The following TNFRSF11B variants were observed in gnomAD, a reference collection of about 807,000 sequenced individuals.
The protein encoded by TNFRSF11B is tumor necrosis factor receptor superfamily member 11B.
Under a neutral mutation model 43.4 loss-of-function variants are expected in TNFRSF11B, and 16 were observed. That is an observed-to-expected ratio of 0.37 (90% CI 0.25 to 0.56). TNFRSF11B has a LOEUF of 0.56. TNFRSF11B is among the 20% of genes least tolerant of loss of function. The pLI is 0.80. For missense variants in TNFRSF11B, 444 were observed against 490.1 expected, an observed-to-expected ratio of 0.91 and a Z score of 0.89; for synonymous variants, 185 against 181.8, an observed-to-expected ratio of 1.02 and a Z score of -0.14.
At position 118,933,183 on chromosome 8, in the gene TNFRSF11B, G is replaced by T. The variant is rs778414770; in HGVS notation, c.148C>A (p.Leu50Ile). The change falls in exon 2 of 5, where the codon CTA (leucine) becomes ATA (isoleucine). Residue 50 changes from leucine (L) to isoleucine (I), a missense_variant. Transcript: ENST00000297350. ...LCDKCPPGTY[L>I]KQHCTAKWKT... ...CACTTTGCTGTACAGTGTTGTTTTAGGTAGGTACCAGGAGGACATTTGTCA... is the reference window on the plus strand; with the variant it reads ...CACTTTGCTGTACAGTGTTGTTTTATGTAGGTACCAGGAGGACATTTGTCA... 2.3e-5 allele frequency: 37 copies of T among 1,614,164 alleles called. 1 individual carries two copies. In the Admixed American group the frequency reaches 3.3e-4, roughly 15 times the overall value.
At chr8:118,947,831 T>G (rs1164356590) in intron 1 of TNFRSF11B, among the ~76,000 whole-genome samples, 1 of 152,208 alleles carries the variant, frequency 6.6e-6, no homozygotes, top group East Asian at 1.9e-4. Context: ...GAGTCACCAA[T>G]ATTACACGTG....
chr8:118,928,937 A>C lies in TNFRSF11B; in HGVS notation c.401-8T>G. 6.2e-7 allele frequency: 1 copy of C among 1,613,940 alleles called. No homozygotes were observed. ...TATTTCGCTCTGGGGTTCCTACAGAAAATACCAAGCAATTTAGTACCTTCT... is the reference window on the plus strand; with the variant it reads ...TATTTCGCTCTGGGGTTCCTACAGACAATACCAAGCAATTTAGTACCTTCT... On this transcript the variant is annotated splice_region_variant and splice_polypyrimidine_tract_variant and intron_variant, in intron 2 of 4. Transcript: ENST00000297350.
intron 1 of TNFRSF11B, among the ~76,000 whole-genome samples, chr8:118,941,740 CAAG>C (rs141426409): frequency 0.03 from 4,492 of 152,112 alleles, 119 homozygotes; most frequent in East Asian, 0.16. Context: ...AAAACAAAAA[CAAG>C]AAAATCTCTG....
intron 2 of TNFRSF11B, among the ~76,000 whole-genome samples, chr8:118,932,248 G>GC: frequency 6.6e-6 from 1 of 152,202 alleles, no homozygotes; most frequent in Non-Finnish European, 1.5e-5. Flanking sequence ...ATACACATGA[G>GC]CCCTGACCAA....
In TNFRSF11B at chr8:118,951,825, G is replaced by C. The variant is rs1432377020; in HGVS notation, c.-4C>G. 1 of 1,589,642 alleles carries C rather than the reference G, an allele frequency of 6.3e-7. No individual in the cohort carries two copies. Among genetic ancestry groups the C allele is most frequent in the Admixed American group, 1.7e-5 (1 of 57,260 alleles). On this transcript the variant is annotated 5_prime_UTR_variant, in exon 1 of 5. Coordinates refer to ENST00000297350, the MANE Select transcript of TNFRSF11B (RefSeq NM_002546.4). The stretch of plus-strand genomic sequence containing the variant: ...CGCAGCACAGCAAGTTGTTCATTGT[G>C]GTCCCCGGAAACCTCAGGGGCTTGG...
chr8:118,926,436 T>G, intron 4 of TNFRSF11B, 58 bp downstream of exon 4: 1 of 1,437,164 alleles, frequency 7.0e-7, no homozygotes, highest in Non-Finnish European at 9.8e-7. Context: ...TGTTCCTGGT[T>G]TATGATAAAT....
At chr8:118,948,456 G>A (rs541694328) in intron 1 of TNFRSF11B, among the ~76,000 whole-genome samples, 1 of 152,288 alleles carries the variant, frequency 6.6e-6, no homozygotes, top group African/African-American at 2.4e-5. Context: ...AGGCAAGTTA[G>A]TGGCTAGGAG....
Position 118,926,577 on chromosome 8 carries a change from C to T in TNFRSF11B, c.734G>A (p.Ser245Asn), listed in dbSNP as rs1335770352. ...CAGCTGGAAAGTCTGTTCTTGTGAG[C>T]TGTGTTGCCGTTTTATCCTCTCTAC... ...ESVERIKRQH[S>N]SQEQTFQLLK... The change falls in exon 4 of 5, where the codon AGC (serine) becomes AAC (asparagine). Residue 245 changes from serine to asparagine, a missense_variant. Physicochemically the swap from Ser to Asn is conservative, Grantham distance 46. Transcript: ENST00000297350. 10 of 1,613,964 alleles carry T rather than the reference C, an allele frequency of 6.2e-6. No individual in the cohort carries two copies. Among genetic ancestry groups the T allele is most frequent in the Non-Finnish European group, 8.5e-6 (10 of 1,179,994 alleles).
At chr8:118,945,299 G>A (rs980132987) in intron 1 of TNFRSF11B, among the ~76,000 whole-genome samples, 34 of 149,508 alleles carry the variant, frequency 2.3e-4, no homozygotes, top group African/African-American at 8.5e-4. Context: ...TAATTCAGAT[G>A]GCAAAATCTT....
At position 118,924,334 on chromosome 8, in the gene TNFRSF11B, C is replaced by T. The variant is rs200332093; in HGVS notation, c.*40G>A. On this transcript the variant is annotated 3_prime_UTR_variant, in exon 5 of 5. Transcript: ENST00000297350. The stretch of plus-strand genomic sequence containing the variant: ...GAAACAGTTTACTCATCCATGGGAT[C>T]TCGCCAATTGTGAGGAAACAGCTCA... 4.5e-5 allele frequency: 72 copies of T among 1,611,114 alleles called. No homozygotes were observed. Among genetic ancestry groups the T allele is most frequent in the Admixed American group, 1.2e-4 (7 of 60,006 alleles).
Position 118,951,797 on chromosome 8 carries a change from G to A in TNFRSF11B, c.25C>T (p.Leu9Phe). The change falls in exon 1 of 5, where the codon CTC becomes TTC. Residue 9 changes from leucine to phenylalanine, a missense_variant. Transcript: ENST00000297350. MNNLLCCA[L>F]VFLDISIKWT... Reference sequence around the variant, plus strand: ...CGGCTGGCCCAGGGACTTACCACGAGCGCGCAGCACAGCAAGTTGTTCATT... The same window carrying A: ...CGGCTGGCCCAGGGACTTACCACGAACGCGCAGCACAGCAAGTTGTTCATT... The A allele has an allele frequency of 6.3e-7, 1 of 1,593,004 alleles. No individual in the cohort carries two copies. The highest frequency in any genetic ancestry group is 8.5e-7 in the Non-Finnish European group (1 of 1,170,004).
intron 1 of TNFRSF11B, among the ~76,000 whole-genome samples, chr8:118,949,803 A>G (rs11573816): frequency 0.02 from 3,116 of 152,334 alleles, 51 homozygotes; most frequent in Admixed American, 0.043. Flanking sequence ...TGGAATGCCC[A>G]TTATAAAGAA....
chr8:118,945,553 G>A (rs776602543), intron 1 of TNFRSF11B, among the ~76,000 whole-genome samples: 1 of 152,136 alleles, frequency 6.6e-6, no homozygotes, highest in African/African-American at 2.4e-5. Flanking sequence ...TCTCACCACT[G>A]CCATTGCAAA....
Position 118,924,209 on chromosome 8 carries a change from A to G in TNFRSF11B, c.*165T>C. ...AACCATTTGGGGTTTATTGGAGGAG[A>G]TGTTAGTCCTTTCTCCACATCATAG... On this transcript the variant is annotated 3_prime_UTR_variant, in exon 5 of 5. Transcript: ENST00000297350. 1 of 689,442 alleles carries G rather than the reference A, an allele frequency of 1.5e-6. No homozygotes were observed. The allele number at this position is 689,442 out of a possible 1,614,324, so 42.7% of individuals were successfully genotyped here.
intron 1 of TNFRSF11B, among the ~76,000 whole-genome samples, chr8:118,946,595 T>G (rs763484221): frequency 8.5e-5 from 13 of 152,140 alleles, no homozygotes; most frequent in Non-Finnish European, 1.5e-4. Context: ...TTATTTTGAT[T>G]TTTGTTTTCT....
chr8:118,935,051 TC>T (rs1195601856), intron 1 of TNFRSF11B, among the ~76,000 whole-genome samples: 1 of 152,168 alleles, frequency 6.6e-6, no homozygotes, highest in Non-Finnish European at 1.5e-5. Context: ...GAGACAATTT[TC>T]AAAGACAGTG....
intron 1 of TNFRSF11B, among the ~76,000 whole-genome samples, chr8:118,946,160 G>A (rs527679672): frequency 3.3e-5 from 5 of 152,098 alleles, no homozygotes; most frequent in Admixed American, 2.6e-4. Context: ...GCTGATTCAG[G>A]TGCTTCTGAG....
At chr8:118,929,497 C>T (rs1013838098) in intron 2 of TNFRSF11B, among the ~76,000 whole-genome samples, 4 of 152,146 alleles carry the variant, frequency 2.6e-5, no homozygotes, top group South Asian at 2.1e-4. Context: ...TAAAGTTGGC[C>T]GCTGACTCAA....
intron 1 of TNFRSF11B, among the ~76,000 whole-genome samples, chr8:118,934,963 G>C (rs564259005): frequency 6.6e-6 from 1 of 152,212 alleles, no homozygotes; most frequent in East Asian, 1.9e-4. Context: ...CAAGTGTTTG[G>C]GCTGATTTGA....
Sources: allele counts gnomAD v4.1 joint callset (sites outside exome capture counted in the v4.1 genomes callset), GRCh38; gene constraint gnomAD v4.1.1; transcripts MANE v1.5; gene names NCBI Gene and HGNC (gene_info 2026-07-23, HGNC 2026-07-21).